The following SGSH variants were observed in gnomAD, a reference collection of about 807,000 sequenced individuals.
SGSH encodes the protein heparan sulfate sulfatase.
SGSH carries 48 observed loss-of-function variants against 51.0 expected under a neutral mutation model. The ratio of observed to expected loss-of-function variants is 0.94; its 90% confidence interval spans 0.75 to 1.20. The LOEUF is 1.20. Among genes scored for constraint, SGSH ranks in the 50% most tolerant of loss-of-function variants. The probability of loss-of-function intolerance (pLI) is 0.00; values close to 1 mark genes in which losing one functional copy is unlikely to be tolerated. For synonymous variants in SGSH, 321 were observed against 313.4 expected, an observed-to-expected ratio of 1.02 and a Z score of -0.26; for missense variants, 662 against 717.8, an observed-to-expected ratio of 0.92 and a Z score of 0.89.
At chr17:80,205,955 C>A (rs564718690), downstream of SGSH, 3 of 244,228 alleles carry the variant, frequency 1.2e-5, no homozygotes, top group Non-Finnish European at 1.6e-5. Context: ...CGTTTGAAGG[C>A]GCAAACGCGT....
chr17:80,211,832 A>C (rs998264772), intron 7 of SGSH: 1 of 579,414 alleles, frequency 1.7e-6, no homozygotes, highest in African/African-American at 1.9e-5. Context: ...TTTTGAAAGC[A>C]GCAGGATCCA....
chr17:80,208,144 C>CGTAG, downstream of SGSH: 1 of 1,541,582 alleles, frequency 6.5e-7, no homozygotes, highest in Non-Finnish European at 8.8e-7. Flanking sequence ...GCAGGAAGGG[C>CGTAG]CTACAGCGGT....
downstream of SGSH, chr17:80,207,086 G>C (rs1233483305): frequency 6.2e-7 from 1 of 1,609,972 alleles, no homozygotes; most frequent in South Asian, 1.1e-5. Context: ...AGAAGCTCAA[G>C]TAGGTGCACG....
Position 80,210,535 on chromosome 17 carries a change from G to A in SGSH, c.1426C>T (p.His476Tyr), listed in dbSNP as rs1170401791. 1 of 1,611,728 alleles carries A rather than the reference G, an allele frequency of 6.2e-7. No individual in the cohort carries two copies. Among genetic ancestry groups the A allele is most frequent in the Admixed American group, 1.7e-5 (1 of 59,910 alleles). Residue 476 changes from histidine to tyrosine, a missense_variant, in exon 8 of 8, where the codon CAC (histidine) becomes TAC (tyrosine). Transcript: ENST00000326317. Reference sequence around the variant, plus strand: ...TCGGGGGCGCACACCCAGGGGTCGTGGGTCTCCCACTGCCACTTGGCCAGC... The same window carrying A: ...TCGGGGGCGCACACCCAGGGGTCGTAGGTCTCCCACTGCCACTTGGCCAGC... ...DQLAKWQWETHDPWVCAPDGV... is the reference protein window; with the variant it reads ...DQLAKWQWETYDPWVCAPDGV...
downstream of SGSH, chr17:80,203,668 C>A (rs2041113379): frequency 3.5e-6 from 2 of 570,112 alleles, no homozygotes; most frequent in Non-Finnish European, 3.1e-6. This position sits in a 1 kb window ranked among gnomAD's most constrained non-coding sequence, Gnocchi z 4.6. Context: ...CAGGATGGAG[C>A]GCTCCAGCCT....
Position 80,212,306 on chromosome 17 carries a change from C to A in SGSH, c.746-32G>T. ...TGAGGGGCCGAGAAGCAGAGCTCAG[C>A]CGCAGACACGGAGGGAGGCAGCGGG... On this transcript the variant is annotated intron_variant, in intron 6 of 7. Transcript: ENST00000326317. This position sits in a 1 kb window ranked among gnomAD's most constrained non-coding sequence, Gnocchi z 5.9. The A allele has an allele frequency of 6.4e-7, 1 of 1,568,586 alleles. No homozygotes were observed. Among genetic ancestry groups the A allele is most frequent in the Non-Finnish European group, 8.7e-7 (1 of 1,154,260 alleles).
At chr17:80,201,655 C>A in the SGSH span, 1 of 1,443,766 alleles carries the variant, frequency 6.9e-7, no homozygotes, top group Non-Finnish European at 9.7e-7. The surrounding 1 kb of genome is among the most constrained non-coding windows in gnomAD (Gnocchi z 5.0). Context: ...CTGGCCCGCG[C>A]CTCGCCTCAG....
At chr17:80,201,539 A>T in the SGSH span, 1 of 590,366 alleles carries the variant, frequency 1.7e-6, no homozygotes, top group Non-Finnish European at 3.0e-6. The surrounding 1 kb of genome is among the most constrained non-coding windows in gnomAD (Gnocchi z 5.0). Flanking sequence ...CTCTCTGGCC[A>T]GCACTATGTG....
In SGSH at chr17:80,210,236, T is replaced by A; in HGVS notation, c.*216A>T. ...TCCCCTGCCATGACGGCAGTGCCCCTGGTGGTGGAGGGGCTGGGCACATGC... is the reference window on the plus strand; with the variant it reads ...TCCCCTGCCATGACGGCAGTGCCCCAGGTGGTGGAGGGGCTGGGCACATGC... On this transcript the variant is annotated 3_prime_UTR_variant, in exon 8 of 8. Coordinates refer to ENST00000326317, the MANE Select transcript of SGSH (RefSeq NM_000199.5). 7.0e-7 allele frequency: 1 copy of A among 1,422,876 alleles called. No individual in the cohort carries two copies. Among genetic ancestry groups the A allele is most frequent in the Non-Finnish European group, 9.2e-7 (1 of 1,092,428 alleles). 88.1% of individuals were successfully genotyped at this position (1,422,876 alleles called of 1,614,324 possible). A position where few individuals can be genotyped will look rare whatever the true frequency, so the allele number is the denominator to read the frequency against.
chr17:80,214,593 G>A (rs1199753348), intron 4 of SGSH, 22 bp downstream of exon 4: 5 of 1,608,830 alleles, frequency 3.1e-6, no homozygotes, highest in East Asian at 2.2e-5. Flanking sequence ...CAGGGGGAAG[G>A]GGCAGGGGCC....
chr17:80,208,961 TGGAGAC>T (rs2144654811), downstream of SGSH: 1 of 152,398 alleles, frequency 6.6e-6, no homozygotes, highest in South Asian at 2.1e-4. Flanking sequence ...CTCTGCGTGG[TGGAGAC>T]GGTACTTTCA....
At chr17:80,206,831 C>G, downstream of SGSH, 1 of 480,126 alleles carries the variant, frequency 2.1e-6, no homozygotes, top group Non-Finnish European at 3.8e-6. Context: ...TCCCTCATCT[C>G]CTCTACAAAA....
At position 80,213,976 on chromosome 17, in the gene SGSH, A is replaced by G. The variant is rs762711093; in HGVS notation, c.664-91T>C. ...CCCCGGGGCCTCCTGCAAATGGGTT[A>G]GCCCAGAACAGCCTCACTCCGGACC... On this transcript the variant is annotated intron_variant, in intron 5 of 7. Coordinates refer to ENST00000326317, the MANE Select transcript of SGSH (RefSeq NM_000199.5). The surrounding 1 kb of genome is among the most constrained non-coding windows in gnomAD (Gnocchi z 4.6). 71 of 1,345,082 alleles carry G rather than the reference A, an allele frequency of 5.3e-5. No individual in the cohort carries two copies. Among genetic ancestry groups the G allele is most frequent in the Non-Finnish European group, 7.1e-5 (69 of 967,118 alleles). 83.3% of individuals were successfully genotyped at this position (1,345,082 alleles called of 1,614,324 possible). A position where few individuals can be genotyped will look rare whatever the true frequency, so the allele number is the denominator to read the frequency against.
chr17:80,207,705 A>G (rs976999783), downstream of SGSH: 2 of 171,518 alleles, frequency 1.2e-5, no homozygotes, highest in Admixed American at 6.3e-5. Context: ...GACATTTTAT[A>G]ATTGAAATTT....
At chr17:80,201,636 A>T in the SGSH span, 1 of 1,176,840 alleles carries the variant, frequency 8.5e-7, no homozygotes, top group Non-Finnish European at 1.3e-6. The surrounding 1 kb of genome is among the most constrained non-coding windows in gnomAD (Gnocchi z 5.0). Context: ...CAGTGGTCCT[A>T]CGGCAGGGCT....
At chr17:80,205,088 C>T (rs948676446), downstream of SGSH, 1 of 1,613,164 alleles carries the variant, frequency 6.2e-7, no homozygotes, top group East Asian at 2.2e-5. Flanking sequence ...GCCCTATACC[C>T]TGGTGCGGCC....
At chr17:80,203,822 G>A, downstream of SGSH, 1 of 1,573,494 alleles carries the variant, frequency 6.4e-7, no homozygotes, top group Non-Finnish European at 8.6e-7. The surrounding 1 kb of genome is among the most constrained non-coding windows in gnomAD (Gnocchi z 4.6). Flanking sequence ...GTCTCTGCAG[G>A]GCTCAGCAGC....
rs764492244 is a variant in SGSH at position 80,213,997 on chromosome 17, G to A, written c.664-112C>T. The A allele has an allele frequency of 4.3e-5, 57 of 1,312,478 alleles. 1 individual carries two copies. Among genetic ancestry groups the A allele is most frequent in the South Asian group, 1.3e-4 (10 of 79,662 alleles). The allele number at this position is 1,312,478 out of a possible 1,614,324, so 81.3% of individuals were successfully genotyped here. A position where few individuals can be genotyped will look rare whatever the true frequency, so the allele number is the denominator to read the frequency against. On this transcript the variant is annotated intron_variant, in intron 5 of 7. Coordinates refer to ENST00000326317, the MANE Select transcript of SGSH (RefSeq NM_000199.5). The surrounding 1 kb of genome is among the most constrained non-coding windows in gnomAD (Gnocchi z 4.6). ...GGTTAGCCCAGAACAGCCTCACTCCGGACCACCCCGTCTCTCTACGGTTCT... is the reference window on the plus strand; with the variant it reads ...GGTTAGCCCAGAACAGCCTCACTCCAGACCACCCCGTCTCTCTACGGTTCT...
In SGSH at chr17:80,219,462, C is replaced by A. The variant is rs574504370; in HGVS notation, c.88+764G>T. Among the ~76,000 whole-genome samples the A allele has an allele frequency of 2.6e-5, 4 of 152,360 alleles. No individual in the cohort carries two copies. The East Asian group carries it at 7.7e-4, about 29-fold the overall frequency. The stretch of plus-strand genomic sequence containing the variant: ...AGCCTCCTGTAGGAATTCTGATCCG[C>A]AGGTGAGGGTCCATGCAGATTCTCT... On this transcript the variant is annotated intron_variant, in intron 1 of 7. Coordinates refer to ENST00000326317, the MANE Select transcript of SGSH (RefSeq NM_000199.5).
Sources: gnomAD v4.1 joint callset for allele counts (sites outside exome capture counted in the v4.1 genomes callset) on GRCh38, gnomAD v4.1.1 for gene constraint, Gnocchi (gnomAD v3.1) non-coding constraint, MANE v1.5 for transcripts, NCBI Gene and HGNC (gene_info 2026-07-23, HGNC 2026-07-21) for gene names.